Variants in PMM1 observed in about 807,000 individuals in gnomAD.
The protein encoded by PMM1 is phosphomannomutase 1, also known as brain glucose-1,6-bisphosphatase.
A neutral mutation model predicts 34.0 loss-of-function variants in PMM1; 25 were observed. That is an observed-to-expected ratio of 0.73 (90% CI 0.54 to 1.03). The LOEUF (loss-of-function observed/expected upper bound fraction) is 1.03. Among genes scored for constraint, PMM1 ranks in the 50% least tolerant of loss-of-function variants. PMM1 has a pLI of 0.00. For synonymous variants in PMM1, 134 were observed against 143.9 expected (o/e 0.93, Z 0.49); for missense variants, 321 against 350.1 (o/e 0.92, Z 0.66).
intron 5 of PMM1, among the ~76,000 whole-genome samples, chr22:41,583,246 G>A (rs1245116061): frequency 9.2e-5 from 14 of 152,156 alleles, no homozygotes; most frequent in Admixed American, 4.6e-4. Flanking sequence ...TTGGGAGGCC[G>A]AGGCAGGCGG....
Position 41,584,614 on chromosome 22 carries a change from A to C in PMM1, c.206-11T>G. 1 of 1,606,546 alleles carries C rather than the reference A, an allele frequency of 6.2e-7. No homozygotes were observed. Among genetic ancestry groups the C allele is most frequent in the Non-Finnish European group, 8.5e-7 (1 of 1,174,004 alleles). ...CAAACTTCTCAATGACTTCAGGGTC[A>C]CATAGAGGACAGGAGGAAGAAAGAG... On this transcript the variant is annotated splice_polypyrimidine_tract_variant and intron_variant, in intron 2 of 7. Transcript: ENST00000216259.
intron 5 of PMM1, chr22:41,580,510 C>A (rs983074636): frequency 1.3e-5 from 2 of 152,172 alleles, no homozygotes; most frequent in African/African-American, 2.4e-5. Flanking sequence ...CTGCTATTAC[C>A]CCCACCTTAC....
intron 1 of PMM1, among the ~76,000 whole-genome samples, chr22:41,587,043 G>A (rs2067316644): frequency 6.6e-6 from 1 of 151,500 alleles, no homozygotes; most frequent in South Asian, 2.1e-4. Flanking sequence ...CGAGGCGGGT[G>A]GATCACAAGG....
chr22:41,581,955 A>G (rs1218098860), intron 5 of PMM1, among the ~76,000 whole-genome samples: 3 of 152,026 alleles, frequency 2.0e-5, no homozygotes, highest in Non-Finnish European at 4.4e-5. Flanking sequence ...ACTGCACTCC[A>G]GCCTGGTGAC....
At chr22:41,583,869 C>T (rs1186151637) in intron 5 of PMM1, 90 bp downstream of exon 5, 1 of 847,450 alleles carries the variant, frequency 1.2e-6, no homozygotes, top group Admixed American at 1.8e-5. Flanking sequence ...GAACACATCC[C>T]CCAGTCTATT....
intron 3 of PMM1, 34 bp from the exon 4 acceptor site, chr22:41,584,406 T>C: frequency 1.9e-6 from 3 of 1,602,046 alleles, no homozygotes; most frequent in Non-Finnish European, 2.6e-6. Context: ...GAGCGTGGCC[T>C]GGGCTGCCTG....
rs373616319 is a variant in PMM1 at position 41,589,676 on chromosome 22, G to A, written c.87+43C>T. 1,440 of 1,518,460 alleles carry A rather than the reference G, an allele frequency of 9.5e-4. 1 individual carries two copies. The highest frequency in any genetic ancestry group is 1.2e-3 in the Non-Finnish European group (1,363 of 1,104,048). The allele number at this position is 1,518,460 out of a possible 1,614,324, so 94.1% of individuals were successfully genotyped here. ...CCCACACTCAGCCTCGGGGGTGTCC[G>A]CGTGACACTCCCGGTGGGAGCTTCC... On this transcript the variant is annotated intron_variant, in intron 1 of 7. Coordinates refer to ENST00000216259, the MANE Select transcript of PMM1 (RefSeq NM_002676.3).
chr22:41,584,213 C>T (rs1179065803), intron 4 of PMM1, 68 bp downstream of exon 4: 2 of 1,461,728 alleles, frequency 1.4e-6, no homozygotes, highest in East Asian at 4.5e-5. Context: ...TCCAGGTTCC[C>T]TCTGAGGGAC....
At chr22:41,581,183 G>A (rs1049149284) in intron 5 of PMM1, among the ~76,000 whole-genome samples, 1 of 151,800 alleles carries the variant, frequency 6.6e-6, no homozygotes, top group African/African-American at 2.4e-5. Flanking sequence ...ACTTAGCCAG[G>A]TGTGGTGGCA....
At chr22:41,586,535 C>T (rs1420514572) in intron 1 of PMM1, 1 of 228,284 alleles carries the variant, frequency 4.4e-6, no homozygotes, top group Non-Finnish European at 8.5e-6. Flanking sequence ...GATTCTGGCT[C>T]ACTGAAACCT....
intron 5 of PMM1, among the ~76,000 whole-genome samples, chr22:41,581,250 G>C (rs964278803): frequency 6.6e-6 from 1 of 151,942 alleles, no homozygotes; most frequent in Admixed American, 6.6e-5. Context: ...CTTGAGCCTA[G>C]GCAGCGAAGG....
At position 41,577,407 on chromosome 22, in the gene PMM1, G is replaced by T. The variant is rs770158908; in HGVS notation, c.700C>A (p.Arg234=). ...GACACCACGCTGTGGCCAACAGTCC[G>T]GGGGTCGGCAAAGATCTCAAAGTCG... The part of the protein sequence containing the change: ...GNDFEIFADP[R]TVGHSVVSPQ... The change falls in exon 8 of 8, where the codon CGG becomes AGG. Residue 234 remains arginine, a synonymous_variant. Transcript: ENST00000216259. 1 of 1,612,376 alleles carries T rather than the reference G, an allele frequency of 6.2e-7. No individual in the cohort carries two copies. The highest frequency in any genetic ancestry group is 1.3e-5 in the African/African-American group (1 of 75,056).
chr22:41,586,955 T>TA (rs2067315009), intron 1 of PMM1, among the ~76,000 whole-genome samples: 2 of 110,204 alleles, frequency 1.8e-5, no homozygotes, highest in Non-Finnish European at 3.5e-5. Context: ...CTGTTTCTAC[T>TA]AAAAATTAAA....
chr22:41,584,876 A>G (rs2067290434), intron 2 of PMM1: 1 of 408,874 alleles, frequency 2.4e-6, no homozygotes. Flanking sequence ...CCTGCCACTC[A>G]TCCTCCAAGA....
At chr22:41,580,506 T>G (rs1218060699) in intron 5 of PMM1, 1 of 152,154 alleles carries the variant, frequency 6.6e-6, no homozygotes, top group Non-Finnish European at 1.5e-5. Context: ...GGAACTGCTA[T>G]TACCCCCACC....
chr22:41,587,211 A>G (rs1025908107), intron 1 of PMM1, among the ~76,000 whole-genome samples: 82 of 150,452 alleles, frequency 5.5e-4, no homozygotes, highest in African/African-American at 1.9e-3. Context: ...CAGAGCTTGC[A>G]GTGAGCTGAG....
At chr22:41,589,620 C>G in intron 1 of PMM1, 99 bp downstream of exon 1, 1 of 1,057,310 alleles carries the variant, frequency 9.5e-7, no homozygotes, top group Non-Finnish European at 1.4e-6. Flanking sequence ...ACACTCGGTC[C>G]CCGGGTGTCC....
chr22:41,587,038 C>T (rs561661729), intron 1 of PMM1, among the ~76,000 whole-genome samples: 3 of 149,680 alleles, frequency 2.0e-5, no homozygotes, highest in South Asian at 2.1e-4. Context: ...GAGGCCGAGG[C>T]GGGTGGATCA....
chr22:41,588,779 G>A, intron 1 of PMM1: 1 of 985,462 alleles, frequency 1.0e-6, no homozygotes, highest in Non-Finnish European at 1.2e-6. Context: ...TAAGAGAGGA[G>A]GCTAAGACCT....
Sources: allele counts gnomAD v4.1 joint callset (sites outside exome capture counted in the v4.1 genomes callset), GRCh38; gene constraint gnomAD v4.1.1; transcripts MANE v1.5; gene names NCBI Gene and HGNC (gene_info 2026-07-23, HGNC 2026-07-21).